Variants in PINX1 observed in about 807,000 individuals in gnomAD.
PINX1 encodes the protein PIN2/TERF1-interacting telomerase inhibitor 1.
In PINX1, 34 loss-of-function variants were observed where a neutral mutation model predicts 25.4. The observed-to-expected ratio is 1.34, with a 90% CI of 1.02 to 1.78. The LOEUF (loss-of-function observed/expected upper bound fraction) is 1.78, where lower values mean the gene tolerates loss of function less well. Ranked by LOEUF, PINX1 falls within the 40% of genes most tolerant of loss-of-function variation. The pLI is 0.00. For synonymous variants in PINX1, 197 were observed against 147.7 expected (o/e 1.33, Z -2.42); for missense variants, 592 against 404.9 (o/e 1.46, Z -3.97).
chr8:10,832,558 CAG>C (rs1238198145), intron 3 of PINX1, among the ~76,000 whole-genome samples: 5 of 152,214 alleles, frequency 3.3e-5, no homozygotes, highest in Non-Finnish European at 7.3e-5. Context: ...ATCCACTACT[CAG>C]AGATACGGAA....
chr8:10,801,306 C>T (rs964581287), intron 6 of PINX1, among the ~76,000 whole-genome samples: 3 of 152,222 alleles, frequency 2.0e-5, no homozygotes, highest in Non-Finnish European at 4.4e-5. Context: ...GATGATGGTG[C>T]CCCAGCTATC....
intron 6 of PINX1, among the ~76,000 whole-genome samples, chr8:10,774,790 T>C (rs1420046648): frequency 6.6e-5 from 10 of 152,156 alleles, no homozygotes; most frequent in Non-Finnish European, 1.3e-4. Flanking sequence ...TCACCAGAAA[T>C]CAATGTAGCA....
intron 6 of PINX1, among the ~76,000 whole-genome samples, chr8:10,776,465 AC>A (rs1469817342): frequency 4.7e-5 from 7 of 148,752 alleles, no homozygotes; most frequent in South Asian, 2.1e-4. Flanking sequence ...AAACAAACAA[AC>A]AAATAAAAAT....
At chr8:10,786,343 TC>T (rs1401548790) in intron 6 of PINX1, among the ~76,000 whole-genome samples, 2 of 152,196 alleles carry the variant, frequency 1.3e-5, no homozygotes, top group Non-Finnish European at 2.9e-5. Context: ...GTTGGCTCTT[TC>T]TACAACACCA....
intron 6 of PINX1, among the ~76,000 whole-genome samples, chr8:10,795,779 C>T (rs1802066190): frequency 6.6e-6 from 1 of 152,180 alleles, no homozygotes; most frequent in African/African-American, 2.4e-5. Context: ...GTAAAGTGAT[C>T]TCACTTTTTA....
rs780856120 is a variant in PINX1, at chr8:10,765,390, C to A, written c.*11G>T. On this transcript the variant is annotated 3_prime_UTR_variant, in exon 7 of 7. Transcript: ENST00000314787. ...CAGCTGAGTGGTCGGAAGGCCCCGG[C>A]TGGGAAGGATTCATTTGGAATCTTT... The A allele has an allele frequency of 1.3e-6, 2 of 1,581,936 alleles. No homozygotes were observed. The highest frequency in any genetic ancestry group is 2.3e-5 in the South Asian group (2 of 86,226).
chr8:10,787,915 G>A (rs1400115322), intron 6 of PINX1: 2 of 410,012 alleles, frequency 4.9e-6, no homozygotes, highest in African/African-American at 2.1e-5. Flanking sequence ...TACAGACCTT[G>A]TTAGATTCAA....
At chr8:10,836,163 AAT>A (rs1244153192) in intron 1 of PINX1, among the ~76,000 whole-genome samples, 1 of 152,200 alleles carries the variant, frequency 6.6e-6, no homozygotes, top group African/African-American at 2.4e-5. Context: ...ACATAAAATC[AAT>A]AGAGGCCCAT....
chr8:10,807,743 A>G (rs182999656), intron 6 of PINX1, among the ~76,000 whole-genome samples: 6 of 152,336 alleles, frequency 3.9e-5, no homozygotes, highest in African/African-American at 1.4e-4. Flanking sequence ...CATCTGCCAC[A>G]GTATTAATAG....
intron 6 of PINX1, among the ~76,000 whole-genome samples, chr8:10,775,846 G>A (rs1440081914): frequency 6.6e-6 from 1 of 152,106 alleles, no homozygotes; most frequent in East Asian, 1.9e-4. Flanking sequence ...TTTCAACATA[G>A]TTTTTTCACA....
chr8:10,835,084 C>A (rs554946374), intron 1 of PINX1, among the ~76,000 whole-genome samples: 1 of 152,220 alleles, frequency 6.6e-6, no homozygotes, highest in Non-Finnish European at 1.5e-5. Flanking sequence ...GCCATCAGCA[C>A]AACTGAAAGC....
intron 5 of PINX1, among the ~76,000 whole-genome samples, chr8:10,823,230 C>T (rs1395141037): frequency 1.3e-5 from 2 of 152,220 alleles, no homozygotes; most frequent in Non-Finnish European, 2.9e-5. Flanking sequence ...GGAAGCCGAG[C>T]ACCTGCACAT....
In PINX1 at chr8:10,816,664, GT is replaced by G. The variant is rs540640363; in HGVS notation, c.471+3528del. Among the ~76,000 whole-genome samples the G allele has an allele frequency of 1.5e-3, 224 of 152,324 alleles. 3 individuals carry two copies. Among genetic ancestry groups the G allele is most frequent in the African/African-American group, 4.9e-3 (203 of 41,576 alleles). ...CAACAGCCAATCATTTTCCCACAAA[GT>G]TACGATACAGCATCAACCACTGGTG... On this transcript the variant is annotated intron_variant, in intron 6 of 6. Coordinates refer to ENST00000314787, the MANE Select transcript of PINX1 (RefSeq NM_017884.6).
At chr8:10,825,349 G>C (rs1798002722) in intron 5 of PINX1, 1 of 534,638 alleles carries the variant, frequency 1.9e-6, no homozygotes, top group East Asian at 5.4e-5. Flanking sequence ...TCCCAGGAAA[G>C]AACCATCAAC....
At chr8:10,802,152 A>G (rs546667254) in intron 6 of PINX1, among the ~76,000 whole-genome samples, 2 of 152,332 alleles carry the variant, frequency 1.3e-5, no homozygotes, top group East Asian at 3.9e-4. Context: ...AAAAAACTTT[A>G]GCATAATCAA....
chr8:10,825,979 A>G (rs1377109483), intron 5 of PINX1, among the ~76,000 whole-genome samples, 173 bp downstream of exon 5: 1 of 152,270 alleles, frequency 6.6e-6, no homozygotes, highest in Admixed American at 6.5e-5. Flanking sequence ...AATTCTAACA[A>G]GATCCTCAGG....
At chr8:10,792,916 G>A (rs1007252661) in intron 6 of PINX1, among the ~76,000 whole-genome samples, 1 of 152,108 alleles carries the variant, frequency 6.6e-6, no homozygotes, top group African/African-American at 2.4e-5. Context: ...ACCTCTCCCA[G>A]TCAAGCAGCT....
intron 6 of PINX1, among the ~76,000 whole-genome samples, chr8:10,781,211 A>G (rs552562098): frequency 6.6e-6 from 1 of 152,352 alleles, no homozygotes; most frequent in East Asian, 1.9e-4. Context: ...AAAATGGATT[A>G]AAGACCTAAA....
chr8:10,808,613 G>C (rs563192262), intron 6 of PINX1, among the ~76,000 whole-genome samples: 1 of 152,196 alleles, frequency 6.6e-6, no homozygotes, highest in Non-Finnish European at 1.5e-5. Flanking sequence ...GTTACATAGC[G>C]TGTCCAGTAG....
Sources: gnomAD v4.1 joint callset for allele counts (sites outside exome capture counted in the v4.1 genomes callset) on GRCh38, gnomAD v4.1.1 for gene constraint, MANE v1.5 for transcripts, NCBI Gene and HGNC (gene_info 2026-07-23, HGNC 2026-07-21) for gene names.